The following FBXO40 variants were observed in gnomAD, a reference collection of about 807,000 sequenced individuals.
FBXO40 encodes F-box only protein 40.
A neutral mutation model predicts 49.9 loss-of-function variants in FBXO40; 50 were observed. The observed-to-expected ratio is 1.00, with a 90% confidence interval of 0.80 to 1.27. FBXO40 has a LOEUF of 1.27. Ranked by LOEUF, FBXO40 falls within the 50% of genes most tolerant of loss-of-function variation. The pLI, the probability that FBXO40 is intolerant of heterozygous loss-of-function variation, is 0.00. For missense variants in FBXO40, 895 were observed against 870.1 expected (o/e 1.03, Z -0.36); for synonymous variants, 340 against 320.2 (o/e 1.06, Z -0.66).
Position 121,622,778 on chromosome 3 carries a change from C to T in FBXO40, c.1349C>T (p.Ala450Val). 6.2e-7 allele frequency: 1 copy of T among 1,614,174 alleles called. No homozygotes were observed. The highest frequency in any genetic ancestry group is 2.2e-5 in the East Asian group (1 of 44,878). The change falls in exon 3 of 4, where the codon GCC (alanine) becomes GTC (valine). Residue 450 changes from alanine (A) to valine (V), a missense_variant. By Grantham distance (64) the Ala-to-Val change is moderately conservative. Coordinates refer to ENST00000338040, the MANE Select transcript of FBXO40 (RefSeq NM_016298.4). ...SGTVLADLTA[A>V]TPGGLHVELH... ...ACAGTGCTGGCTGACCTAACCGCTG[C>T]CACCCCAGGGGGACTCCACGTGGAG...
At position 121,629,323 on chromosome 3, in the gene FBXO40, A is replaced by C. The variant is rs986142712; in HGVS notation, c.*2413A>C. 6.6e-5 allele frequency: 10 copies of C among 152,192 alleles called. No individual in the cohort carries two copies. Among genetic ancestry groups the C allele is most frequent in the African/African-American group, 2.2e-4 (9 of 41,454 alleles). 9.4% of individuals were successfully genotyped at this position (152,192 alleles called of 1,614,324 possible). A position where few individuals can be genotyped will look rare whatever the true frequency, so the allele number is the denominator to read the frequency against. On this transcript the variant is annotated 3_prime_UTR_variant, in exon 4 of 4. Coordinates refer to ENST00000338040, the MANE Select transcript of FBXO40 (RefSeq NM_016298.4). ...TGACTAGGGTGTGACCTAAGGTTTT[A>C]TTCTGTGAAGATGAGTAACTGGAAA...
intron 1 of FBXO40, among the ~76,000 whole-genome samples, chr3:121,604,993 GAC>G (rs2108845738): frequency 6.6e-6 from 1 of 151,456 alleles, no homozygotes; most frequent in East Asian, 1.9e-4. Flanking sequence ...TTATTTATTT[GAC>G]ACAGTCTCCC....
intron 1 of FBXO40, among the ~76,000 whole-genome samples, chr3:121,601,208 T>C (rs2048899568): frequency 6.6e-6 from 1 of 151,856 alleles, no homozygotes; most frequent in African/African-American, 2.4e-5. Flanking sequence ...GAGAACAATT[T>C]CCCCCCCATA....
In FBXO40 at chr3:121,621,662, G is replaced by C; in HGVS notation, c.233G>C (p.Arg78Pro). The C allele has an allele frequency of 1.2e-5, 19 of 1,614,118 alleles. No homozygotes were observed. The highest frequency in any genetic ancestry group is 1.5e-5 in the Non-Finnish European group (18 of 1,180,000). The change falls in exon 3 of 4, where the codon CGC becomes CCC. Residue 78 changes from arginine to proline, a missense_variant. Arg to Pro is a moderately radical substitution (Grantham distance 103, BLOSUM62 -2). Transcript: ENST00000338040. The part of the protein sequence containing the change: ...SEYGCPLSMS[R>P]HKLAKHLQVC... ...TATGGCTGCCCTCTGTCCATGTCCC[G>C]CCACAAACTGGCCAAGCACCTGCAG...
intron 3 of FBXO40, among the ~76,000 whole-genome samples, chr3:121,626,143 G>A (rs1384430403): frequency 6.6e-6 from 1 of 152,102 alleles, no homozygotes; most frequent in Admixed American, 6.6e-5. Flanking sequence ...TTCAGGTAAG[G>A]CTTGATCTAA....
chr3:121,599,258 C>T (rs962830599), intron 1 of FBXO40, among the ~76,000 whole-genome samples: 4 of 151,834 alleles, frequency 2.6e-5, no homozygotes, highest in Admixed American at 6.6e-5. Context: ...ACCTGAGGCC[C>T]GGAGTTTGAG....
intron 3 of FBXO40, among the ~76,000 whole-genome samples, chr3:121,624,237 G>A (rs548740624): frequency 2.8e-4 from 43 of 152,148 alleles, no homozygotes; most frequent in African/African-American, 8.9e-4. Context: ...TGATCCACCC[G>A]CCTCAGCCTC....
chr3:121,615,190 G>GCAACAGAGTGAGACTGTGTCTT (rs1218165209), intron 1 of FBXO40, among the ~76,000 whole-genome samples: 7 of 99,640 alleles, frequency 7.0e-5, no homozygotes, highest in South Asian at 3.6e-4. Context: ...GGGCAACAGA[G>GCAACAGAGTGAGACTGTGTCTT]AGAGCATCTC....
chr3:121,621,440 C>T lies in FBXO40; in HGVS notation c.11C>T (p.Ala4Val), dbSNP rs1262766001. The change falls in exon 3 of 4, where the codon GCC becomes GTC. Residue 4 changes from alanine to valine, a missense_variant. Ala to Val is a moderately conservative substitution (Grantham distance 64). Coordinates refer to ENST00000338040, the MANE Select transcript of FBXO40 (RefSeq NM_016298.4). MGK[A>V]RRSPPGHHRH... ...TGTCCTTGGTGTGTCCAGGGGAAAG[C>T]CCGCAGATCCCCGCCAGGGCACCAC... 6.2e-7 allele frequency: 1 copy of T among 1,611,760 alleles called. No individual in the cohort carries two copies. Among genetic ancestry groups the T allele is most frequent in the Non-Finnish European group, 8.5e-7 (1 of 1,178,726 alleles).
chr3:121,603,383 T>C (rs903388044), intron 1 of FBXO40, among the ~76,000 whole-genome samples: 3 of 152,216 alleles, frequency 2.0e-5, no homozygotes, highest in Non-Finnish European at 4.4e-5. Context: ...AAGAGGTAAA[T>C]TAAACTTGGA....
intron 1 of FBXO40, among the ~76,000 whole-genome samples, chr3:121,620,035 T>A (rs924079435): frequency 6.6e-6 from 1 of 152,220 alleles, no homozygotes; most frequent in Non-Finnish European, 1.5e-5. Context: ...CACAGCTGAA[T>A]ATACCAGGGG....
intron 1 of FBXO40, among the ~76,000 whole-genome samples, chr3:121,609,795 GA>G (rs1289101412): frequency 6.6e-6 from 1 of 152,230 alleles, no homozygotes; most frequent in African/African-American, 2.4e-5. Flanking sequence ...AAAGGATAAG[GA>G]AAGTGGCATT....
At chr3:121,623,695 T>A (rs1409220318) in intron 3 of FBXO40, among the ~76,000 whole-genome samples, 1 of 151,054 alleles carries the variant, frequency 6.6e-6, no homozygotes, top group East Asian at 1.9e-4. Flanking sequence ...GGCCTTTTTT[T>A]TTTTTTTTTT....
intron 1 of FBXO40, among the ~76,000 whole-genome samples, chr3:121,600,206 T>C (rs910438460): frequency 3.4e-5 from 5 of 148,330 alleles, no homozygotes; most frequent in Non-Finnish European, 6.0e-5. Flanking sequence ...TTTTTTTTTT[T>C]TTTTTTTTTT....
intron 1 of FBXO40, among the ~76,000 whole-genome samples, chr3:121,605,313 A>G (rs1319548179): frequency 1.3e-5 from 2 of 152,230 alleles, no homozygotes; most frequent in African/African-American, 2.4e-5. Flanking sequence ...CTAGCCACCC[A>G]GAAGGCAATC....
At chr3:121,617,128 A>G (rs1267690753) in intron 1 of FBXO40, among the ~76,000 whole-genome samples, 1 of 152,188 alleles carries the variant, frequency 6.6e-6, no homozygotes, top group Non-Finnish European at 1.5e-5. Flanking sequence ...GCAACAATGT[A>G]TTGTGTATTT....
intron 1 of FBXO40, among the ~76,000 whole-genome samples, chr3:121,595,491 A>G (rs1326220539): frequency 6.6e-6 from 1 of 152,240 alleles, no homozygotes; most frequent in Non-Finnish European, 1.5e-5. Flanking sequence ...AGATATAAGA[A>G]TTAACTAGCT....
intron 1 of FBXO40, among the ~76,000 whole-genome samples, chr3:121,609,805 T>C (rs1469413720): frequency 6.6e-6 from 1 of 152,240 alleles, no homozygotes; most frequent in African/African-American, 2.4e-5. Context: ...GAAAGTGGCA[T>C]TTCTGGGCTT....
chr3:121,621,773 T>C lies in FBXO40; in HGVS notation c.344T>C (p.Ile115Thr). ...VDSETTLHEN[I>T]MKETPSEECL... ...TCTGAAACCACCCTTCATGAAAACA[T>C]CATGAAAGAGACCCCCAGTGAGGAG... The change falls in exon 3 of 4, where the codon ATC becomes ACC. Residue 115 changes from isoleucine (I) to threonine (T), a missense_variant. Transcript: ENST00000338040. 1 of 1,614,176 alleles carries C rather than the reference T, an allele frequency of 6.2e-7. No homozygotes were observed. Among genetic ancestry groups the C allele is most frequent in the South Asian group, 1.1e-5 (1 of 91,086 alleles).
Sources: gnomAD v4.1 joint callset for allele counts (sites outside exome capture counted in the v4.1 genomes callset) on GRCh38, gnomAD v4.1.1 for gene constraint, MANE v1.5 for transcripts, NCBI Gene and HGNC (gene_info 2026-07-23, HGNC 2026-07-21) for gene names.